Variants in ZMAT4 observed in about 807,000 individuals in gnomAD.
ZMAT4 encodes the protein zinc finger matrin-type 4, also known as zinc finger matrin-type protein 4.
A neutral mutation model predicts 28.7 loss-of-function variants in ZMAT4; 17 were observed. The ratio of observed to expected loss-of-function variants is 0.59; its 90% CI spans 0.41 to 0.89. The LOEUF (loss-of-function observed/expected upper bound fraction) is 0.89. ZMAT4 is among the 40% of genes least tolerant of loss of function. ZMAT4 has a pLI of 0.00. For missense variants in ZMAT4, 240 were observed against 283.8 expected, an observed-to-expected ratio of 0.85 and a Z score of 1.11; for synonymous variants, 117 against 109.2, an observed-to-expected ratio of 1.07 and a Z score of -0.44.
chr8:40,708,901 G>A (rs960648247), intron 3 of ZMAT4, among the ~76,000 whole-genome samples: 5 of 151,540 alleles, frequency 3.3e-5, no homozygotes, highest in East Asian at 3.9e-4. Flanking sequence ...CACCCACCTC[G>A]GCCTCCCAAA....
At chr8:40,890,401 C>T (rs1407265977) in intron 1 of ZMAT4, among the ~76,000 whole-genome samples, 1 of 152,158 alleles carries the variant, frequency 6.6e-6, no homozygotes, top group Admixed American at 6.5e-5. Flanking sequence ...TCAGCTTCTC[C>T]TCCCGGGGAT....
chr8:40,802,937 T>A (rs778680214), intron 2 of ZMAT4, among the ~76,000 whole-genome samples: 18 of 152,188 alleles, frequency 1.2e-4, no homozygotes, highest in Admixed American at 2.6e-4. Context: ...AGTCAATTGA[T>A]CTTTGACAAA....
intron 5 of ZMAT4, among the ~76,000 whole-genome samples, chr8:40,583,623 T>A (rs1804565405): frequency 6.6e-6 from 1 of 152,168 alleles, no homozygotes; most frequent in South Asian, 2.1e-4. Context: ...TTTGCCAAAT[T>A]TAAGCACGCA....
intron 2 of ZMAT4, among the ~76,000 whole-genome samples, chr8:40,795,204 G>A (rs558521594): frequency 2.6e-5 from 4 of 152,106 alleles, no homozygotes; most frequent in Non-Finnish European, 5.9e-5. Context: ...TTATAGCCAA[G>A]CATCCGATCA....
At chr8:40,879,663 A>C (rs1410309879) in intron 1 of ZMAT4, among the ~76,000 whole-genome samples, 1 of 152,064 alleles carries the variant, frequency 6.6e-6, no homozygotes, top group Non-Finnish European at 1.5e-5. Flanking sequence ...AAAATGAATA[A>C]AGACTCACTG....
intron 3 of ZMAT4, among the ~76,000 whole-genome samples, chr8:40,726,584 G>T (rs905084885): frequency 6.6e-6 from 1 of 152,198 alleles, no homozygotes; most frequent in Non-Finnish European, 1.5e-5. Flanking sequence ...GCTATAGTTG[G>T]ACTGAATGTA....
At chr8:40,840,418 C>G (rs1022062520) in intron 1 of ZMAT4, among the ~76,000 whole-genome samples, 2 of 152,176 alleles carry the variant, frequency 1.3e-5, no homozygotes, top group African/African-American at 2.4e-5. Context: ...TTCTGCTCCT[C>G]CCTCCACAGA....
chr8:40,598,244 T>C (rs1488921180), intron 5 of ZMAT4, among the ~76,000 whole-genome samples: 1 of 152,230 alleles, frequency 6.6e-6, no homozygotes, highest in African/African-American at 2.4e-5. Flanking sequence ...ATGTGCAGAA[T>C]GTGCAGGTTT....
chr8:40,823,532 G>A (rs568755162), intron 2 of ZMAT4, among the ~76,000 whole-genome samples: 11 of 152,094 alleles, frequency 7.2e-5, no homozygotes, highest in African/African-American at 1.9e-4. Flanking sequence ...GGTGTCACGC[G>A]CCTGTAGTCC....
At chr8:40,772,253 G>A (rs28568778) in intron 2 of ZMAT4, among the ~76,000 whole-genome samples, 1,976 of 152,258 alleles carry the variant, frequency 0.013, 44 homozygotes, top group African/African-American at 0.046. Flanking sequence ...GGCATTGTGC[G>A]GGGACAGACC....
At chr8:40,631,964 T>C (rs901177961) in intron 5 of ZMAT4, among the ~76,000 whole-genome samples, 3 of 152,240 alleles carry the variant, frequency 2.0e-5, no homozygotes, top group African/African-American at 7.2e-5. Context: ...CTTGTGCCTA[T>C]GCATAAGAGC....
At chr8:40,817,041 T>C (rs1423369478) in intron 2 of ZMAT4, among the ~76,000 whole-genome samples, 2 of 152,142 alleles carry the variant, frequency 1.3e-5, no homozygotes, top group Admixed American at 6.6e-5. Flanking sequence ...TCCACTTGCT[T>C]TTTTAAGATA....
intron 5 of ZMAT4, among the ~76,000 whole-genome samples, chr8:40,668,296 C>T (rs978435655): frequency 6.6e-6 from 1 of 151,544 alleles, no homozygotes; most frequent in African/African-American, 2.4e-5. Context: ...ATTGGGAAAC[C>T]CCATCTCTAC....
chr8:40,687,409 A>C (rs1275143330), intron 4 of ZMAT4, among the ~76,000 whole-genome samples: 1 of 152,158 alleles, frequency 6.6e-6, no homozygotes, highest in South Asian at 2.1e-4. Flanking sequence ...AGGATTATTA[A>C]TACCTGATGG....
At chr8:40,824,805 G>A (rs1012663824) in intron 2 of ZMAT4, among the ~76,000 whole-genome samples, 1 of 152,046 alleles carries the variant, frequency 6.6e-6, no homozygotes, top group Non-Finnish European at 1.5e-5. Flanking sequence ...GTTCCTACTA[G>A]TATATGTTCT....
chr8:40,603,294 T>C (rs1439134299), intron 5 of ZMAT4, among the ~76,000 whole-genome samples: 1 of 152,214 alleles, frequency 6.6e-6, no homozygotes, highest in Admixed American at 6.5e-5. Flanking sequence ...TGCCTATTTT[T>C]ACACCAGTAC....
intron 1 of ZMAT4, among the ~76,000 whole-genome samples, chr8:40,844,657 CTGTGTGTG>C (rs71224857): frequency 0.012 from 1,775 of 142,476 alleles, 21 homozygotes; most frequent in Admixed American, 0.019. Flanking sequence ...CTCTCTCATT[CTGTGTGTG>C]TGTGTGTGTG....
chr8:40,805,287 C>A (rs1292462839), intron 2 of ZMAT4, among the ~76,000 whole-genome samples: 2 of 146,946 alleles, frequency 1.4e-5, no homozygotes, highest in Non-Finnish European at 3.0e-5. Flanking sequence ...AGTCAGGAAA[C>A]AACAGGTGCT....
At chr8:40,709,427 C>A (rs116308759) in intron 3 of ZMAT4, among the ~76,000 whole-genome samples, 7 of 151,776 alleles carry the variant, frequency 4.6e-5, no homozygotes, top group African/African-American at 1.7e-4. Flanking sequence ...ATTACTAAAC[C>A]GTATAGAAAG....
Sources: gnomAD v4.1 joint callset for allele counts (sites outside exome capture counted in the v4.1 genomes callset) on GRCh38, gnomAD v4.1.1 for gene constraint, MANE v1.5 for transcripts, NCBI Gene and HGNC (gene_info 2026-07-23, HGNC 2026-07-21) for gene names.